ZNF638: variants seen among roughly 807,000 people sequenced by gnomAD.
The protein encoded by ZNF638 is zinc finger protein 638, also known as CTCL tumor antigen se33-1.
In ZNF638, 46 loss-of-function variants were observed where a neutral mutation model predicts 195.6. That is an observed-to-expected ratio of 0.24 (90% CI 0.19 to 0.30). The LOEUF (loss-of-function observed/expected upper bound fraction) is 0.30, where lower values mean the gene tolerates loss of function less well. ZNF638 is among the 10% of genes least tolerant of loss of function. The pLI is 1.00. For synonymous variants in ZNF638, 845 were observed against 772.0 expected (o/e 1.09, Z -1.57); for missense variants, 2,440 against 2,325.3 (o/e 1.05, Z -1.01).
chr2:71,358,537 G>A (rs2079060243), intron 3 of ZNF638, among the ~76,000 whole-genome samples: 1 of 152,188 alleles, frequency 6.6e-6, no homozygotes, highest in African/African-American at 2.4e-5. Context: ...CATCCTCTGG[G>A]TCAGTTTCCA....
intron 7 of ZNF638, 38 bp from the exon 8 acceptor site, chr2:71,369,845 T>G: frequency 6.5e-7 from 1 of 1,545,734 alleles, no homozygotes; most frequent in Non-Finnish European, 8.7e-7. Context: ...CTTTTAAAGA[T>G]AGATTTGTGA....
chr2:71,388,830 G>A, intron 10 of ZNF638: 1 of 716,300 alleles, frequency 1.4e-6, no homozygotes, highest in African/African-American at 1.8e-5. Context: ...GTATATAAAA[G>A]TATTGAAACA....
At chr2:71,389,959 A>G (rs189503792) in intron 10 of ZNF638, among the ~76,000 whole-genome samples, 4 of 152,318 alleles carry the variant, frequency 2.6e-5, no homozygotes, top group Admixed American at 1.3e-4. Flanking sequence ...CACAAAGCCA[A>G]AATATTGGCC....
intron 3 of ZNF638, chr2:71,361,513 C>T (rs894738707): frequency 1.3e-5 from 2 of 152,128 alleles, no homozygotes; most frequent in Admixed American, 6.5e-5. Flanking sequence ...AATTTATCCT[C>T]CTGGGTGGTA....
chr2:71,346,287 A>T (rs1003818869), intron 1 of ZNF638, among the ~76,000 whole-genome samples: 9 of 152,212 alleles, frequency 5.9e-5, no homozygotes, highest in African/African-American at 2.2e-4. Flanking sequence ...ATCTTTTAGG[A>T]TTGGGTGAAG....
At position 71,368,395 on chromosome 2, in the gene ZNF638, A is replaced by C. The variant is rs1558847130; in HGVS notation, c.2009A>C (p.Gln670Pro). Residue 670 changes from glutamine to proline, a missense_variant, in exon 7 of 28, where the codon CAG becomes CCG. Coordinates refer to ENST00000264447, the MANE Select transcript of ZNF638 (RefSeq NM_014497.5). ...CTCCAAAAATAGCTTCGGAAAGAACAGTCATTGCATTATGGTTCGGTTCTT... is the reference window on the plus strand; with the variant it reads ...CTCCAAAAATAGCTTCGGAAAGAACCGTCATTGCATTATGGTTCGGTTCTT... ...VSLQRKLRKE[Q>P]SLHYGSVLLI... The C allele has an allele frequency of 6.2e-7, 1 of 1,609,940 alleles. No homozygotes were observed.
chr2:71,349,704 A>C lies in ZNF638; in HGVS notation c.750A>C (p.Ala250=). 6.2e-7 allele frequency: 1 copy of C among 1,614,224 alleles called. No homozygotes were observed. The highest frequency in any genetic ancestry group is 8.5e-7 in the Non-Finnish European group (1 of 1,180,044). Residue 250 remains alanine, a synonymous_variant, in exon 2 of 28, where the codon GCA becomes GCC. Coordinates refer to ENST00000264447, the MANE Select transcript of ZNF638 (RefSeq NM_014497.5). ...NEFQSQQNIS[A]SVPNPNVICN... is the part of the protein sequence containing the mutation. ...TTCAGTCACAGCAGAACATTTCTGC[A>C]TCTGTTCCCAATCCAAATGTGATAT...
At chr2:71,358,340 T>C (rs2079057112) in intron 3 of ZNF638, among the ~76,000 whole-genome samples, 1 of 152,230 alleles carries the variant, frequency 6.6e-6, no homozygotes, top group African/African-American at 2.4e-5. Context: ...TATGTATCTT[T>C]TGGGGAGCAC....
rs2080563741 is a variant in ZNF638 at position 71,427,532 on chromosome 2, AACAG to A, written c.5545+123_5545+126del. ...TCACCCAGTATTGATATTAGAGGCC[AACAG>A]ACAGTTAAAGTCAACAATAAATTTT... On this transcript the variant is annotated intron_variant, in intron 24 of 27. Transcript: ENST00000264447. 4.5e-6 allele frequency: 3 copies of A among 673,880 alleles called. No individual in the cohort carries two copies. The South Asian group carries it at 1.0e-4, about 23-fold the overall frequency. 41.7% of individuals were successfully genotyped at this position (673,880 alleles called of 1,614,324 possible). A position where few individuals can be genotyped will look rare whatever the true frequency, so the allele number is the denominator to read the frequency against.
At chr2:71,332,166 C>T (rs1435075224) in intron 1 of ZNF638, among the ~76,000 whole-genome samples, 5 of 152,236 alleles carry the variant, frequency 3.3e-5, no homozygotes, top group Admixed American at 2.0e-4. Flanking sequence ...CTGCCTGACG[C>T]CGTTGCACTG....
At chr2:71,400,981 A>G (rs1398291418) in intron 15 of ZNF638, among the ~76,000 whole-genome samples, 1 of 151,438 alleles carries the variant, frequency 6.6e-6, no homozygotes, top group East Asian at 1.9e-4. Context: ...TCTTATGTTT[A>G]TATCTATTAT....
chr2:71,358,757 T>G (rs529942274), intron 3 of ZNF638, among the ~76,000 whole-genome samples: 33 of 152,330 alleles, frequency 2.2e-4, no homozygotes, highest in Admixed American at 7.2e-4. Flanking sequence ...CCCTCTTCCC[T>G]TGTCTCTACT....
intron 1 of ZNF638, among the ~76,000 whole-genome samples, chr2:71,343,527 A>C (rs1324736684): frequency 6.6e-6 from 1 of 152,218 alleles, no homozygotes; most frequent in Non-Finnish European, 1.5e-5. Flanking sequence ...GTGTTTAGCA[A>C]AATTGAGATG....
intron 1 of ZNF638, among the ~76,000 whole-genome samples, chr2:71,345,855 G>C (rs1369839008): frequency 6.6e-6 from 1 of 152,140 alleles, no homozygotes; most frequent in Non-Finnish European, 1.5e-5. Context: ...CCCTCTAAAA[G>C]GCAAGTATGG....
intron 3 of ZNF638, among the ~76,000 whole-genome samples, chr2:71,362,102 G>A (rs1445360827): frequency 6.6e-6 from 1 of 152,142 alleles, no homozygotes; most frequent in Non-Finnish European, 1.5e-5. Flanking sequence ...AGATTTTCTA[G>A]AAGTTGAGAG....
chr2:71,392,294 G>A (rs1041595396), intron 10 of ZNF638, among the ~76,000 whole-genome samples: 1 of 152,086 alleles, frequency 6.6e-6, no homozygotes, highest in East Asian at 1.9e-4. Context: ...AAGCTTTAAC[G>A]CTTTTTACTG....
At chr2:71,380,007 C>T in intron 8 of ZNF638, 1 of 357,890 alleles carries the variant, frequency 2.8e-6, no homozygotes, top group South Asian at 5.8e-5. Context: ...TAAGGAGAAA[C>T]TGCTGTAGTT....
chr2:71,434,191 A>G (rs2080721007), intron 27 of ZNF638, among the ~76,000 whole-genome samples: 1 of 152,118 alleles, frequency 6.6e-6, no homozygotes, highest in African/African-American at 2.4e-5. Flanking sequence ...TCTGTGTTTC[A>G]GCTTTTCTGG....
Position 71,378,553 on chromosome 2 carries a change from C to T in ZNF638, c.2266-1669C>T, listed in dbSNP as rs370944989. ...AATAGAATATTGAAGAACACAAAGT[C>T]TCTGGTATCACAGAGTTTTAACTTC... On this transcript the variant is annotated intron_variant, in intron 8 of 27. Coordinates refer to ENST00000264447, the MANE Select transcript of ZNF638 (RefSeq NM_014497.5). Among the ~76,000 whole-genome samples the T allele has an allele frequency of 1.3e-4, 20 of 152,246 alleles. No individual in the cohort carries two copies. The East Asian group carries it at 3.9e-3, about 29-fold the overall frequency.
Sources: allele counts gnomAD v4.1 joint callset (sites outside exome capture counted in the v4.1 genomes callset), GRCh38; gene constraint gnomAD v4.1.1; transcripts MANE v1.5; gene names NCBI Gene and HGNC (gene_info 2026-07-23, HGNC 2026-07-21).